The following CELSR1 variants were observed in gnomAD, a reference collection of about 807,000 sequenced individuals.
CELSR1 encodes cadherin EGF LAG seven-pass G-type receptor 1.
In CELSR1, 110 loss-of-function variants were observed where a neutral mutation model predicts 249.1. The ratio of observed to expected loss-of-function variants is 0.44; its 90% CI spans 0.38 to 0.52. CELSR1 has a LOEUF of 0.52. CELSR1 is among the 20% of genes least tolerant of loss of function. The pLI is 0.00. For synonymous variants in CELSR1, 2,113 were observed against 1,900.0 expected (o/e 1.11, Z -2.92); for missense variants, 4,109 against 4,296.4 (o/e 0.96, Z 1.22).
chr22:46,489,975 C>A (rs1223938104), intron 1 of CELSR1, among the ~76,000 whole-genome samples: 1 of 152,114 alleles, frequency 6.6e-6, no homozygotes, highest in Non-Finnish European at 1.5e-5. Context: ...AGATGCGCTG[C>A]CCAGCCTGGT....
At chr22:46,523,993 G>A (rs1230967633) in intron 1 of CELSR1, among the ~76,000 whole-genome samples, 6 of 152,126 alleles carry the variant, frequency 3.9e-5, no homozygotes, top group East Asian at 1.9e-4. Context: ...ACTCTCAGCC[G>A]TCCCGTTTCA....
At chr22:46,529,613 G>C (rs1679579220) in intron 1 of CELSR1, among the ~76,000 whole-genome samples, 1 of 151,616 alleles carries the variant, frequency 6.6e-6, no homozygotes, top group Non-Finnish European at 1.5e-5. Flanking sequence ...GACCAGCCTG[G>C]CCAACATGGT....
At chr22:46,404,090 A>C (rs2079238609) in intron 9 of CELSR1, among the ~76,000 whole-genome samples, 1 of 152,146 alleles carries the variant, frequency 6.6e-6, no homozygotes, top group Non-Finnish European at 1.5e-5. Flanking sequence ...AATTATGCTA[A>C]AAACAATACC....
intron 1 of CELSR1, among the ~76,000 whole-genome samples, chr22:46,505,261 C>CTAAAA (rs2080504383): frequency 1.6e-5 from 1 of 62,550 alleles, no homozygotes. Flanking sequence ...GACTCTGTCT[C>CTAAAA]AAAAAAAAAA....
At chr22:46,456,660 C>CT (rs1352486056) in intron 2 of CELSR1, among the ~76,000 whole-genome samples, 920 of 62,534 alleles carry the variant, frequency 0.015, 11 homozygotes, top group Admixed American at 0.03. Context: ...GAGACTCTGT[C>CT]TAAAAAAAAA....
At position 46,429,971 on chromosome 22, in the gene CELSR1, A is replaced by AC. The variant is rs2079575621; in HGVS notation, c.4611+3421dup. Among the ~76,000 whole-genome samples, 1 of 152,074 alleles carries AC rather than the reference A, an allele frequency of 6.6e-6. No individual in the cohort carries two copies. The highest frequency in any genetic ancestry group is 2.4e-5 in the African/African-American group (1 of 41,416). On this transcript the variant is annotated intron_variant, in intron 5 of 34. Coordinates refer to ENST00000674500, the MANE Select transcript of CELSR1 (RefSeq NM_001378328.1). The surrounding 1 kb of genome is among the most constrained non-coding windows in gnomAD (Gnocchi z 4.1). ...CTTCCAGGGCTGGTCCCACTGGAGC[A>AC]CCCCATCTGCTTCCTGTGGGGACCC... is the stretch of plus-strand genomic sequence containing the variant.
At chr22:46,478,638 G>A (rs1328755987) in intron 1 of CELSR1, among the ~76,000 whole-genome samples, 2 of 151,830 alleles carry the variant, frequency 1.3e-5, no homozygotes, top group African/African-American at 4.8e-5. Context: ...TGCCTCCCGG[G>A]TTCAAGCGAT....
intron 2 of CELSR1, among the ~76,000 whole-genome samples, 193 bp from the exon 3 acceptor site, chr22:46,439,604 C>T (rs1263866205): frequency 6.6e-6 from 1 of 151,942 alleles, no homozygotes; most frequent in Non-Finnish European, 1.5e-5. Context: ...AGAGCCGTGC[C>T]AGAGTCGGCT....
rs2079833072 is a variant in CELSR1 at position 46,447,435 on chromosome 22, C to T, written c.4184-8024G>A. 6.6e-6 allele frequency among the ~76,000 whole-genome samples: 1 copy of T among 152,216 alleles called. No individual in the cohort carries two copies. Among genetic ancestry groups the T allele is most frequent in the Admixed American group, 6.5e-5 (1 of 15,300 alleles). ...GATTCTGCTTGGAGTCAAAGGCTTG[C>T]TGAGTCATTCAAACCTGGGGGAAAT... On this transcript the variant is annotated intron_variant, in intron 2 of 34. Transcript: ENST00000674500. The surrounding 1 kb of genome is among the most constrained non-coding windows in gnomAD (Gnocchi z 4.7).
intron 24 of CELSR1, 60 bp downstream of exon 24, chr22:46,377,001 C>G (rs2078925513): frequency 1.9e-6 from 3 of 1,569,146 alleles, no homozygotes; most frequent in South Asian, 2.3e-5. Context: ...CAGGACAGGA[C>G]TATGGTAGCT....
chr22:46,380,443 C>T lies in CELSR1; in HGVS notation c.7256+345G>A, dbSNP rs1344552635. ...ACCGGAATGGGCCTGTCTTATCCGG[C>T]GGTGAACTGGGCACTACACTAGTGT... On this transcript the variant is annotated intron_variant, in intron 22 of 34. Transcript: ENST00000674500. The surrounding 1 kb of genome is among the most constrained non-coding windows in gnomAD (Gnocchi z 5.1). Among the ~76,000 whole-genome samples, 2 of 152,202 alleles carry T rather than the reference C, an allele frequency of 1.3e-5. No individual in the cohort carries two copies. The highest frequency in any genetic ancestry group is 2.9e-5 in the Non-Finnish European group (2 of 68,034).
intron 2 of CELSR1, among the ~76,000 whole-genome samples, chr22:46,457,772 A>T (rs1250994906): frequency 6.6e-6 from 1 of 152,238 alleles, no homozygotes; most frequent in Non-Finnish European, 1.5e-5. Flanking sequence ...GGACAGAGTC[A>T]GACATACCTC....
chr22:46,384,370 A>G (rs575753452), intron 20 of CELSR1, among the ~76,000 whole-genome samples, 173 bp downstream of exon 20: 3 of 152,326 alleles, frequency 2.0e-5, no homozygotes, highest in African/African-American at 4.8e-5. Flanking sequence ...CCTGTACCTG[A>G]GCACTTGAAC....
intron 1 of CELSR1, among the ~76,000 whole-genome samples, chr22:46,497,145 C>T (rs1194513869): frequency 2.0e-5 from 3 of 152,200 alleles, no homozygotes; most frequent in Non-Finnish European, 4.4e-5. Context: ...CATCATATGA[C>T]ACCACCATCC....
intron 1 of CELSR1, among the ~76,000 whole-genome samples, chr22:46,491,085 C>T (rs2080362814): frequency 1.3e-5 from 2 of 152,032 alleles, no homozygotes; most frequent in African/African-American, 4.8e-5. Flanking sequence ...CCACCCCGGG[C>T]CCTTGGACAT....
intron 5 of CELSR1, among the ~76,000 whole-genome samples, chr22:46,422,705 T>C (rs2079490589): frequency 6.7e-6 from 1 of 149,176 alleles, no homozygotes; most frequent in Non-Finnish European, 1.5e-5. Context: ...AGGTGGAGCT[T>C]GCAGTGAGCT....
intron 2 of CELSR1, among the ~76,000 whole-genome samples, 163 bp downstream of exon 2, chr22:46,463,544 G>T (rs907238780): frequency 1.4e-5 from 2 of 145,584 alleles, no homozygotes; most frequent in South Asian, 2.1e-4. Flanking sequence ...AAAAAGTACC[G>T]TTACTGAGAT....
chr22:46,425,666 C>T (rs544319906), intron 5 of CELSR1, among the ~76,000 whole-genome samples: 1 of 152,102 alleles, frequency 6.6e-6, no homozygotes, highest in Non-Finnish European at 1.5e-5. Context: ...TTTTCCTTAT[C>T]AGTCACGCTA....
chr22:46,524,804 T>C (rs1390091846), intron 1 of CELSR1, among the ~76,000 whole-genome samples: 1 of 152,082 alleles, frequency 6.6e-6, no homozygotes, highest in East Asian at 1.9e-4. Flanking sequence ...TGCCCATCCC[T>C]TCACCAGGGC....
Sources: allele counts gnomAD v4.1 joint callset (sites outside exome capture counted in the v4.1 genomes callset), GRCh38; gene constraint gnomAD v4.1.1; non-coding constraint Gnocchi (gnomAD v3.1); transcripts MANE v1.5; gene names NCBI Gene and HGNC (gene_info 2026-07-23, HGNC 2026-07-21).